Variants in PTP4A2 observed in about 807,000 individuals in gnomAD.
PTP4A2 encodes the protein protein tyrosine phosphatase 4A2.
A neutral mutation model predicts 22.9 loss-of-function variants in PTP4A2; 2 were observed. That is an observed-to-expected ratio of 0.09 (90% CI 0.04 to 0.27). PTP4A2 has a LOEUF of 0.27. Among genes scored for constraint, PTP4A2 ranks in the 10% least tolerant of loss-of-function variants. The pLI is 1.00. For synonymous variants in PTP4A2, 68 were observed against 69.1 expected, an observed-to-expected ratio of 0.98 and a Z score of 0.08; for missense variants, 103 against 205.1, an observed-to-expected ratio of 0.50 and a Z score of 3.04.
intron 4 of PTP4A2, chr1:31,910,928 G>C (rs1338539183): frequency 6.6e-6 from 1 of 152,172 alleles, no homozygotes; most frequent in African/African-American, 2.4e-5. Context: ...TTTAACAAAG[G>C]AAATGATGTT....
intron 3 of PTP4A2, among the ~76,000 whole-genome samples, chr1:31,912,335 ATAGT>A (rs1023840928): frequency 1.3e-5 from 2 of 152,356 alleles, no homozygotes; most frequent in East Asian, 1.9e-4. Context: ...GAAATCTCCA[ATAGT>A]TAGTAAATCA....
intron 1 of PTP4A2, among the ~76,000 whole-genome samples, chr1:31,925,044 A>G (rs948319636): frequency 1.3e-5 from 2 of 152,236 alleles, no homozygotes; most frequent in Non-Finnish European, 2.9e-5. Flanking sequence ...ATGTGTGAGT[A>G]CTGTATGCAT....
intron 1 of PTP4A2, among the ~76,000 whole-genome samples, chr1:31,926,938 T>A (rs1251195114): frequency 6.6e-6 from 1 of 152,078 alleles, no homozygotes; most frequent in Non-Finnish European, 1.5e-5. Flanking sequence ...TTGGGGAGCA[T>A]TTTAGGCAGA....
chr1:31,932,327 C>G (rs1444558563), intron 1 of PTP4A2, among the ~76,000 whole-genome samples: 1 of 152,012 alleles, frequency 6.6e-6, no homozygotes, highest in Non-Finnish European at 1.5e-5. Flanking sequence ...TCTAAATGTT[C>G]AAAATATTTT....
At chr1:31,934,995 T>C (rs900464840) in intron 1 of PTP4A2, among the ~76,000 whole-genome samples, 1 of 152,230 alleles carries the variant, frequency 6.6e-6, no homozygotes, top group African/African-American at 2.4e-5. Context: ...GTTGCCTTAG[T>C]AGAAAGATCT....
At chr1:31,916,332 G>A (rs1434234878) in intron 2 of PTP4A2, among the ~76,000 whole-genome samples, 87 of 115,476 alleles carry the variant, frequency 7.5e-4, no homozygotes, top group African/African-American at 2.6e-3. Context: ...GCGACAGAGC[G>A]AGACTCCGTC....
intron 1 of PTP4A2, among the ~76,000 whole-genome samples, chr1:31,923,483 C>T (rs1353384576): frequency 6.6e-6 from 1 of 151,210 alleles, no homozygotes; most frequent in Non-Finnish European, 1.5e-5. Flanking sequence ...TACAGGCGCC[C>T]GCTACCACGC....
intron 3 of PTP4A2, 51 bp from the exon 4 acceptor site, chr1:31,911,877 C>G: frequency 7.0e-7 from 1 of 1,422,494 alleles, no homozygotes. Flanking sequence ...CCATGATTAA[C>G]ATCCTAATAC....
At chr1:31,928,687 ACT>A (rs1339948592) in intron 1 of PTP4A2, among the ~76,000 whole-genome samples, 3 of 132,948 alleles carry the variant, frequency 2.3e-5, no homozygotes, top group East Asian at 2.1e-4. Flanking sequence ...ACAGAGTGAA[ACT>A]CTGTCTCAAA....
intron 1 of PTP4A2, among the ~76,000 whole-genome samples, chr1:31,936,894 T>C (rs1270230622): frequency 8.5e-5 from 13 of 152,144 alleles, no homozygotes. Flanking sequence ...CAGTGTAATG[T>C]AGTTTGGCGA....
chr1:31,932,960 A>T (rs1200797718), intron 1 of PTP4A2: 1 of 152,224 alleles, frequency 6.6e-6, no homozygotes, highest in Non-Finnish European at 1.5e-5. Flanking sequence ...TGACACCTCT[A>T]TACGTAGTTA....
At chr1:31,917,360 T>G (rs1294669750) in intron 2 of PTP4A2, among the ~76,000 whole-genome samples, 1 of 152,236 alleles carries the variant, frequency 6.6e-6, no homozygotes, top group Admixed American at 6.5e-5. Context: ...TTATTTTAAT[T>G]GCTAAAGGAC....
At chr1:31,909,132 C>T (rs1023810438) in intron 5 of PTP4A2, among the ~76,000 whole-genome samples, 172 bp from the exon 6 acceptor site, 3 of 152,138 alleles carry the variant, frequency 2.0e-5, no homozygotes, top group African/African-American at 7.2e-5. Context: ...ACTTTCTAAG[C>T]CCTCCTAGAA....
intron 4 of PTP4A2, chr1:31,910,933 G>A (rs1010951547): frequency 1.3e-5 from 2 of 152,192 alleles, no homozygotes; most frequent in Non-Finnish European, 2.9e-5. Context: ...CAAAGGAAAT[G>A]ATGTTTTTAT....
In PTP4A2 at chr1:31,919,207, A is replaced by T; in HGVS notation, c.-142T>A. 2 of 482,262 alleles carry T rather than the reference A, an allele frequency of 4.1e-6. No homozygotes were observed. The highest frequency in any genetic ancestry group is 2.6e-5 in the South Asian group (1 of 38,298). The allele number at this position is 482,262 out of a possible 1,614,324, so 29.9% of individuals were successfully genotyped here. A position where few individuals can be genotyped will look rare whatever the true frequency, so the allele number is the denominator to read the frequency against. On this transcript the variant is annotated 5_prime_UTR_variant, in exon 2 of 6. Transcript: ENST00000647444. ...CCTATTATCAATCAGTGTTTTCTCT[A>T]TTCAACTTGTTTATTCCTTATGAAG...
At chr1:31,919,930 C>T (rs1454964589) in intron 1 of PTP4A2, among the ~76,000 whole-genome samples, 1 of 148,702 alleles carries the variant, frequency 6.7e-6, no homozygotes, top group Non-Finnish European at 1.5e-5. Context: ...AGTTTGAGAC[C>T]AGCCTGATCA....
At chr1:31,933,479 C>CCCAGTA (rs1169474085) in intron 1 of PTP4A2, among the ~76,000 whole-genome samples, 1 of 152,200 alleles carries the variant, frequency 6.6e-6, no homozygotes, top group Non-Finnish European at 1.5e-5. Context: ...ATAATCAAAT[C>CCCAGTA]CCAGTACTTT....
intron 1 of PTP4A2, among the ~76,000 whole-genome samples, chr1:31,930,104 C>T (rs934344415): frequency 2.0e-5 from 3 of 152,012 alleles, no homozygotes; most frequent in East Asian, 1.9e-4. Flanking sequence ...TTTGGGAGGC[C>T]AAGGCGGGCG....
Position 31,938,108 on chromosome 1 carries a change from TC to T in PTP4A2, c.-716del, listed in dbSNP as rs922864365. 4.6e-5 allele frequency: 6 copies of T among 130,616 alleles called. No homozygotes were observed. Among genetic ancestry groups the T allele is most frequent in the East Asian group, 4.7e-4 (2 of 4,252 alleles). 8.1% of individuals were successfully genotyped at this position (130,616 alleles called of 1,614,324 possible). A position where few individuals can be genotyped will look rare whatever the true frequency, so the allele number is the denominator to read the frequency against. ...TAGCGGTGGCGGCGGCGGCGACGACTCCCCCCCAGCCTCGGCGCGCGACACC... is the reference window on the plus strand; with the variant it reads ...TAGCGGTGGCGGCGGCGGCGACGACTCCCCCCAGCCTCGGCGCGCGACACC... On this transcript the variant is annotated 5_prime_UTR_variant, in exon 1 of 6. Transcript: ENST00000647444. The surrounding 1 kb of genome is among the most constrained non-coding windows in gnomAD (Gnocchi z 4.4).
Sources: gnomAD v4.1 joint callset for allele counts (sites outside exome capture counted in the v4.1 genomes callset) on GRCh38, gnomAD v4.1.1 for gene constraint, Gnocchi (gnomAD v3.1) non-coding constraint, MANE v1.5 for transcripts, NCBI Gene and HGNC (gene_info 2026-07-23, HGNC 2026-07-21) for gene names.